TET2: variants seen among roughly 807,000 people sequenced by gnomAD.
TET2 encodes the protein methylcytosine dioxygenase TET2.
Under a neutral mutation model 142.9 loss-of-function variants are expected in TET2, and 299 were observed. The observed-to-expected ratio is 2.09, with a 90% CI of 1.90 to 2.30. TET2 has a LOEUF of 2.30. Ranked by LOEUF, TET2 falls within the 30% of genes most tolerant of loss-of-function variation. The pLI, the probability that TET2 is intolerant of heterozygous loss-of-function variation, is 0.00. For synonymous variants in TET2, 819 were observed against 849.0 expected (o/e 0.96, Z 0.61); for missense variants, 2,418 against 2,378.0 (o/e 1.02, Z -0.35).
intron 1 of TET2, among the ~76,000 whole-genome samples, chr4:105,179,936 G>C (rs1409868713): frequency 6.6e-6 from 1 of 152,224 alleles, no homozygotes; most frequent in Non-Finnish European, 1.5e-5. Flanking sequence ...CTAGCATGCA[G>C]AGTATCTGGT....
At chr4:105,186,473 C>CTTTTTTT (rs1224419124) in intron 1 of TET2, among the ~76,000 whole-genome samples, 151 of 115,064 alleles carry the variant, frequency 1.3e-3, no homozygotes, top group Non-Finnish European at 1.9e-3. Context: ...TTTGCATTTT[C>CTTTTTTT]TTTTTTTTTT....
intron 1 of TET2, among the ~76,000 whole-genome samples, chr4:105,180,459 A>C (rs1368840079): frequency 6.7e-6 from 1 of 149,022 alleles, no homozygotes; most frequent in Non-Finnish European, 1.5e-5. Context: ...ATAATTATTG[A>C]GTTCTTTTAA....
At chr4:105,150,281 T>C (rs1276830471) in intron 1 of TET2, among the ~76,000 whole-genome samples, 1 of 152,228 alleles carries the variant, frequency 6.6e-6, no homozygotes, top group Non-Finnish European at 1.5e-5. Flanking sequence ...ATTTAGAAAA[T>C]CTTAGATCTA....
chr4:105,272,987 G>GT, intron 10 of TET2, 69 bp downstream of exon 10: 1 of 1,325,934 alleles, frequency 7.5e-7, no homozygotes, highest in Non-Finnish European at 1.0e-6. Context: ...AATTATTTTG[G>GT]TTTTGCCCCC....
intron 2 of TET2, among the ~76,000 whole-genome samples, chr4:105,202,171 T>C (rs1193230109): frequency 6.6e-6 from 1 of 152,206 alleles, no homozygotes; most frequent in Non-Finnish European, 1.5e-5. Context: ...TGAACACAGA[T>C]ATATATACAA....
chr4:105,209,256 T>A (rs897239995), intron 2 of TET2, among the ~76,000 whole-genome samples: 4 of 151,414 alleles, frequency 2.6e-5, no homozygotes, highest in African/African-American at 9.7e-5. Context: ...TAAGGTCACA[T>A]CTGATTAACA....
rs1725717289 is a variant in TET2, at chr4:105,190,434, G to A, written c.-118G>A. ...TGCTCCTGTTGAGTTACAACGCTTG[G>A]AAGCAGGAGATGGGCTCAGCAGCAG... On this transcript the variant is annotated 5_prime_UTR_variant, in exon 2 of 11. Transcript: ENST00000380013. 6 of 701,434 alleles carry A rather than the reference G, an allele frequency of 8.6e-6. No homozygotes were observed. The highest frequency in any genetic ancestry group is 1.0e-5 in the Non-Finnish European group (4 of 384,522). 43.5% of individuals were successfully genotyped at this position (701,434 alleles called of 1,614,324 possible).
At chr4:105,274,800 C>G (rs1453290301) in intron 10 of TET2, among the ~76,000 whole-genome samples, 4 of 152,150 alleles carry the variant, frequency 2.6e-5, no homozygotes, top group African/African-American at 7.2e-5. Flanking sequence ...ACATTTTGCT[C>G]TCAATGGAAT....
chr4:105,188,899 G>A (rs764415519), intron 1 of TET2, among the ~76,000 whole-genome samples: 2 of 152,088 alleles, frequency 1.3e-5, no homozygotes, highest in Non-Finnish European at 2.9e-5. Context: ...TTTTTGGGGC[G>A]AGGGGGACAG....
chr4:105,255,252 A>G (rs1324566013), intron 6 of TET2, among the ~76,000 whole-genome samples: 2 of 152,130 alleles, frequency 1.3e-5, no homozygotes, highest in African/African-American at 2.4e-5. Flanking sequence ...TCTAATTTCT[A>G]TCATGTTTTT....
chr4:105,250,379 G>GGTT (rs1560557797), intron 6 of TET2, among the ~76,000 whole-genome samples: 1 of 75,142 alleles, frequency 1.3e-5, no homozygotes, highest in African/African-American at 5.2e-5. Context: ...TTCCTTTCTG[G>GGTT]ATTTTTTTTT....
Position 105,156,377 on chromosome 4 carries a change from C to CCATCATCATA in TET2, c.-193+9401_-193+9402insCATCATACAT, listed in dbSNP as rs1274201555. Among the ~76,000 whole-genome samples the CCATCATCATA allele has an allele frequency of 3.9e-5, 6 of 152,158 alleles. No homozygotes were observed. In the East Asian group the frequency reaches 1.2e-3, roughly 29 times the overall value. On this transcript the variant is annotated intron_variant, in intron 1 of 10. Coordinates refer to ENST00000380013, the MANE Select transcript of TET2 (RefSeq NM_001127208.3). ...GCAGGCAGTCTGACATTTAGGTATG[C>CCATCATCATA]CATACAGAGTATTGATATTTTTAAT...
Position 105,275,657 on chromosome 4 carries a change from A to G in TET2, c.5147A>G (p.His1716Arg). The G allele has an allele frequency of 1.9e-6, 3 of 1,551,978 alleles. No individual in the cohort carries two copies. The highest frequency in any genetic ancestry group is 2.6e-6 in the Non-Finnish European group (3 of 1,147,044). Reference sequence around the variant, plus strand: ...AGTTGTACCATTAGACCAAATGTACATCATGTAGGGAAATTGCCTCCTTAT... The same window carrying G: ...AGTTGTACCATTAGACCAAATGTACGTCATGTAGGGAAATTGCCTCCTTAT... Reference protein sequence around the residue: ...FSSCTIRPNVHHVGKLPPYPT... With the variant: ...FSSCTIRPNVRHVGKLPPYPT... The change falls in exon 11 of 11, where the codon CAT becomes CGT. Residue 1716 changes from histidine (H) to arginine (R), a missense_variant. His to Arg is a conservative substitution (Grantham distance 29). Transcript: ENST00000380013.
At chr4:105,250,495 A>T (rs2647247) in intron 6 of TET2, among the ~76,000 whole-genome samples, 79,561 of 147,604 alleles carry the variant, frequency 0.54, 21,630 homozygotes, top group African/African-American at 0.64. Context: ...CTTCCCAGAG[A>T]GCTGGGGTTA....
intron 1 of TET2, among the ~76,000 whole-genome samples, chr4:105,155,832 G>A (rs1349777491): frequency 6.6e-5 from 10 of 152,198 alleles, no homozygotes; most frequent in Non-Finnish European, 2.9e-5. Flanking sequence ...TGTTCAATGA[G>A]TAACTATAGA....
rs774920451 is a variant in TET2 at position 105,235,364 on chromosome 4, G to T, written c.1422G>T (p.Pro474=). The T allele has an allele frequency of 1.2e-6, 2 of 1,614,132 alleles. No homozygotes were observed. The highest frequency in any genetic ancestry group is 2.2e-5 in the South Asian group (2 of 91,082). The change falls in exon 3 of 11, where the codon CCG becomes CCT. Residue 474 remains proline (P), a synonymous_variant. Transcript: ENST00000380013. ...NPSTHVCSPS[P]MLSERPQNNC... is the part of the protein sequence containing the mutation. The stretch of plus-strand genomic sequence containing the variant: ...CTACACATGTATGCAGCCCTTCTCC[G>T]ATGCTTTCTGAAAGGCCTCAGAATA...
chr4:105,248,170 G>T (rs2110264421), intron 6 of TET2, among the ~76,000 whole-genome samples: 1 of 152,222 alleles, frequency 6.6e-6, no homozygotes, highest in Non-Finnish European at 1.5e-5. Context: ...AGAGTGTTTA[G>T]CATGTTTAGT....
At position 105,234,602 on chromosome 4, in the gene TET2, C is replaced by A; in HGVS notation, c.660C>A (p.His220Gln). ...CAGTTTCTGCCTCTTCCGTGGAACA[C>A]ACACATGGTGAACTCCTGGAAAAAA... is the stretch of plus-strand genomic sequence containing the variant. ...GATVSASSVEHTHGELLEKTL... is the reference protein window; with the variant it reads ...GATVSASSVEQTHGELLEKTL... The change falls in exon 3 of 11, where the codon CAC becomes CAA. Residue 220 changes from histidine to glutamine, a missense_variant. By Grantham distance (24) the His-to-Gln change is conservative. Transcript: ENST00000380013. The A allele has an allele frequency of 6.2e-7, 1 of 1,614,108 alleles. No individual in the cohort carries two copies. The highest frequency in any genetic ancestry group is 8.5e-7 in the Non-Finnish European group (1 of 1,179,984).
chr4:105,217,063 C>T (rs1253039841), intron 2 of TET2, among the ~76,000 whole-genome samples: 5 of 151,022 alleles, frequency 3.3e-5, no homozygotes, highest in Admixed American at 3.3e-4. Flanking sequence ...TTGTTCTTGC[C>T]CCTCCCTGCA....
Sources: allele counts gnomAD v4.1 joint callset (sites outside exome capture counted in the v4.1 genomes callset), GRCh38; gene constraint gnomAD v4.1.1; transcripts MANE v1.5; gene names NCBI Gene and HGNC (gene_info 2026-07-23, HGNC 2026-07-21).